Variants in ST13 observed in about 807,000 individuals in gnomAD.
The protein encoded by ST13 is ST13 Hsp70 interacting protein, also known as hsc70-interacting protein.
A neutral mutation model predicts 56.7 loss-of-function variants in ST13; 23 were observed. The ratio of observed to expected loss-of-function variants is 0.41; its 90% CI spans 0.29 to 0.57. The LOEUF (loss-of-function observed/expected upper bound fraction) is 0.57, where lower values mean the gene tolerates loss of function less well. ST13 is among the 20% of genes least tolerant of loss of function. The probability of loss-of-function intolerance (pLI) is 0.36; values close to 1 mark genes in which losing one functional copy is unlikely to be tolerated. For synonymous variants in ST13, 132 were observed against 142.4 expected (o/e 0.93, Z 0.52); for missense variants, 369 against 459.9 (o/e 0.80, Z 1.81).
chr22:40,837,680 G>A (rs1323910071), intron 5 of ST13, among the ~76,000 whole-genome samples: 3 of 152,068 alleles, frequency 2.0e-5, no homozygotes, highest in African/African-American at 7.2e-5. Context: ...CACCCAGGTT[G>A]GAGTGCAGTG....
At chr22:40,839,493 A>G (rs1213366747) in intron 5 of ST13, among the ~76,000 whole-genome samples, 1 of 152,210 alleles carries the variant, frequency 6.6e-6, no homozygotes, top group African/African-American at 2.4e-5. Context: ...GGCCGGGCGC[A>G]GTGGTTCGCG....
At chr22:40,832,181 C>G in intron 8 of ST13, 2 of 472,128 alleles carry the variant, frequency 4.2e-6, no homozygotes, top group South Asian at 1.5e-5. Context: ...TTAACTTCCA[C>G]AAGGTCTTCT....
chr22:40,844,002 C>T (rs954394286), intron 4 of ST13, among the ~76,000 whole-genome samples: 5 of 152,004 alleles, frequency 3.3e-5, no homozygotes, highest in Non-Finnish European at 7.4e-5. Flanking sequence ...CCTGCCTCAG[C>T]CTCCCAAGTA....
intron 10 of ST13, 65 bp from the exon 11 acceptor site, chr22:40,827,294 CA>C: frequency 1.3e-6 from 2 of 1,557,664 alleles, no homozygotes; most frequent in South Asian, 2.3e-5. Flanking sequence ...ATTTCATCCA[CA>C]AAAAGTACAG....
At position 40,840,347 on chromosome 22, in the gene ST13, T is replaced by C. The variant is rs575019362; in HGVS notation, c.382+279A>G. 3.9e-5 allele frequency among the ~76,000 whole-genome samples: 6 copies of C among 152,126 alleles called. 1 individual carries two copies. In the South Asian group the frequency reaches 1.2e-3, roughly 32 times the overall value. Reference sequence around the variant, plus strand: ...TGTTCTACTACTACTTTTTTTTTTTTTTTTTAAAGCCTTTCACCTCTTTAA... The same window carrying C: ...TGTTCTACTACTACTTTTTTTTTTTCTTTTTAAAGCCTTTCACCTCTTTAA... On this transcript the variant is annotated intron_variant, in intron 5 of 11. Coordinates refer to ENST00000216218, the MANE Select transcript of ST13 (RefSeq NM_003932.5).
chr22:40,833,564 C>CAAAA (rs138336), intron 7 of ST13, among the ~76,000 whole-genome samples: 1 of 115,414 alleles, frequency 8.7e-6, no homozygotes, highest in South Asian at 2.8e-4. Context: ...GACTCCATCT[C>CAAAA]AAAAAAAAAA....
chr22:40,835,132 CCTT>C (rs1318309053), intron 7 of ST13, among the ~76,000 whole-genome samples: 13 of 152,168 alleles, frequency 8.5e-5, no homozygotes, highest in Non-Finnish European at 1.6e-4. Flanking sequence ...CTGGCATACT[CCTT>C]CTTCTATAAT....
intron 5 of ST13, among the ~76,000 whole-genome samples, chr22:40,836,357 G>A (rs546460646): frequency 6.6e-6 from 1 of 152,222 alleles, no homozygotes; most frequent in South Asian, 2.1e-4. Flanking sequence ...AGGCTGAGGA[G>A]TGGCGCGAAC....
At chr22:40,855,443 A>G (rs912015364) in intron 1 of ST13, among the ~76,000 whole-genome samples, 1 of 152,210 alleles carries the variant, frequency 6.6e-6, no homozygotes, top group Non-Finnish European at 1.5e-5. Flanking sequence ...CCTGTCTCTA[A>G]AAGACAAAAG....
At chr22:40,844,342 G>A (rs1462012426) in intron 4 of ST13, among the ~76,000 whole-genome samples, 2 of 152,212 alleles carry the variant, frequency 1.3e-5, no homozygotes, top group Middle Eastern at 3.4e-3. Flanking sequence ...ACACTAAGGA[G>A]CCTTTTTAGA....
chr22:40,856,379 C>A (rs1270900393), intron 1 of ST13, 52 bp downstream of exon 1: 8 of 1,518,596 alleles, frequency 5.3e-6, no homozygotes, highest in Middle Eastern at 1.9e-4. Flanking sequence ...CCTGGCTCCC[C>A]CCTGGGGCCG....
At chr22:40,834,970 A>G (rs546701881) in intron 7 of ST13, among the ~76,000 whole-genome samples, 2 of 152,362 alleles carry the variant, frequency 1.3e-5, no homozygotes, top group South Asian at 4.1e-4. Flanking sequence ...GTAACATGTG[A>G]AAGTCACTGA....
chr22:40,848,251 ACAT>A (rs1425967304), intron 3 of ST13, 40 bp downstream of exon 3: 1 of 1,380,532 alleles, frequency 7.2e-7, no homozygotes, highest in Non-Finnish European at 1.0e-6. Context: ...ACAAAGTATC[ACAT>A]CATAGGTTTT....
chr22:40,855,339 C>A (rs2057884763), intron 1 of ST13, among the ~76,000 whole-genome samples: 1 of 152,166 alleles, frequency 6.6e-6, no homozygotes, highest in African/African-American at 2.4e-5. Context: ...CTGCTAGCCA[C>A]CTGGGAGACT....
chr22:40,829,151 A>G (rs907941443), intron 10 of ST13, among the ~76,000 whole-genome samples: 2 of 152,240 alleles, frequency 1.3e-5, no homozygotes, highest in African/African-American at 4.8e-5. Context: ...GGATCATGCA[A>G]CTAAGTTCTA....
At chr22:40,827,288 C>A in intron 10 of ST13, 59 bp from the exon 11 acceptor site, 1 of 1,580,114 alleles carries the variant, frequency 6.3e-7, no homozygotes. Flanking sequence ...CACAGTATTT[C>A]ATCCACAAAA....
At chr22:40,852,074 C>T (rs2057864316) in intron 1 of ST13, among the ~76,000 whole-genome samples, 1 of 152,188 alleles carries the variant, frequency 6.6e-6, no homozygotes, top group African/African-American at 2.4e-5. Context: ...GTCATATCCA[C>T]ACTTACATTC....
intron 9 of ST13, among the ~76,000 whole-genome samples, chr22:40,830,526 T>C (rs1287138542): frequency 6.6e-6 from 1 of 152,202 alleles, no homozygotes; most frequent in African/African-American, 2.4e-5. Flanking sequence ...TTAATTAATC[T>C]GGCGAAGCAT....
intron 4 of ST13, among the ~76,000 whole-genome samples, 161 bp downstream of exon 4, chr22:40,844,678 A>G (rs929081528): frequency 6.6e-5 from 10 of 152,268 alleles, no homozygotes; most frequent in African/African-American, 2.4e-4. Context: ...TATTTTCATT[A>G]GTATTTTAAG....
Sources: allele counts gnomAD v4.1 joint callset (sites outside exome capture counted in the v4.1 genomes callset), GRCh38; gene constraint gnomAD v4.1.1; transcripts MANE v1.5; gene names NCBI Gene and HGNC (gene_info 2026-07-23, HGNC 2026-07-21).